CTTNBP2NL: variants seen among roughly 807,000 people sequenced by gnomAD.
The protein encoded by CTTNBP2NL is CTTNBP2 N-terminal like.
A neutral mutation model predicts 32.5 loss-of-function variants in CTTNBP2NL; 16 were observed. That is an observed-to-expected ratio of 0.49 (90% CI 0.33 to 0.75). The LOEUF is 0.75. Ranked by LOEUF, CTTNBP2NL falls within the 30% of genes least tolerant of loss-of-function variation. The probability of loss-of-function intolerance (pLI) is 0.02; values close to 1 mark genes in which losing one functional copy is unlikely to be tolerated. For synonymous variants in CTTNBP2NL, 298 were observed against 289.4 expected, an observed-to-expected ratio of 1.03 and a Z score of -0.30; for missense variants, 645 against 756.0, an observed-to-expected ratio of 0.85 and a Z score of 1.72.
intron 3 of CTTNBP2NL, among the ~76,000 whole-genome samples, chr1:112,446,398 A>T (rs1434826412): frequency 6.6e-6 from 1 of 152,128 alleles, no homozygotes; most frequent in African/African-American, 2.4e-5. Context: ...AAAAAATTTG[A>T]TACTTTCAGT....
intron 3 of CTTNBP2NL, among the ~76,000 whole-genome samples, chr1:112,447,273 A>T (rs1466420142): frequency 7.9e-5 from 2 of 25,194 alleles, no homozygotes; most frequent in East Asian, 1.4e-3. Context: ...GACTCCATCT[A>T]AAAAAAAAAA....
intron 3 of CTTNBP2NL, among the ~76,000 whole-genome samples, chr1:112,416,920 G>A (rs1649084667): frequency 6.6e-6 from 1 of 151,906 alleles, no homozygotes; most frequent in African/African-American, 2.4e-5. Context: ...ATAATATCTG[G>A]GAGATCAAGG....
intron 3 of CTTNBP2NL, among the ~76,000 whole-genome samples, chr1:112,436,589 C>T (rs926546631): frequency 6.6e-6 from 1 of 152,098 alleles, no homozygotes; most frequent in Non-Finnish European, 1.5e-5. Context: ...CTCAAGTGAT[C>T]TCCTTCAGCC....
chr1:112,438,868 C>T (rs563205775), intron 3 of CTTNBP2NL, among the ~76,000 whole-genome samples: 1 of 152,184 alleles, frequency 6.6e-6, no homozygotes, highest in Non-Finnish European at 1.5e-5. Flanking sequence ...AAACACCCTG[C>T]AATGCAATGA....
chr1:112,454,360 A>G (rs1481089415), intron 4 of CTTNBP2NL, 89 bp from the exon 5 acceptor site: 4 of 906,282 alleles, frequency 4.4e-6, no homozygotes, highest in Non-Finnish European at 7.1e-6. Context: ...GGAACTATCT[A>G]AGGTGCCTGA....
chr1:112,393,351 T>G (rs1268648980), upstream of CTTNBP2NL, among the ~76,000 whole-genome samples: 1 of 152,206 alleles, frequency 6.6e-6, no homozygotes, highest in Non-Finnish European at 1.5e-5. Flanking sequence ...TTATGGAAAT[T>G]TACTTATTTG....
intron 4 of CTTNBP2NL, among the ~76,000 whole-genome samples, chr1:112,452,944 G>A (rs183996537): frequency 2.7e-5 from 4 of 146,832 alleles, no homozygotes; most frequent in East Asian, 4.0e-4. Context: ...GCAACATGGC[G>A]ACACCCCATT....
At chr1:112,434,400 T>C (rs1361276945) in intron 3 of CTTNBP2NL, among the ~76,000 whole-genome samples, 1 of 152,184 alleles carries the variant, frequency 6.6e-6, no homozygotes, top group Non-Finnish European at 1.5e-5. Context: ...TATCTGTGTG[T>C]CTTCCCTCTT....
intron 3 of CTTNBP2NL, among the ~76,000 whole-genome samples, chr1:112,440,059 A>G (rs936910711): frequency 6.6e-6 from 1 of 152,186 alleles, no homozygotes; most frequent in Non-Finnish European, 1.5e-5. Flanking sequence ...TTACATAGTC[A>G]CATCTCTGTT....
At chr1:112,451,746 G>A (rs1650224827) in intron 4 of CTTNBP2NL, among the ~76,000 whole-genome samples, 1 of 148,824 alleles carries the variant, frequency 6.7e-6, no homozygotes, top group Admixed American at 6.7e-5. Flanking sequence ...ATCCAGCTTG[G>A]GTGACAGAGC....
intron 2 of CTTNBP2NL, among the ~76,000 whole-genome samples, chr1:112,412,773 C>T (rs1648919729): frequency 6.6e-6 from 1 of 151,906 alleles, no homozygotes; most frequent in Non-Finnish European, 1.5e-5. Flanking sequence ...TGCACCACCA[C>T]GTCTGGCTAA....
At chr1:112,428,462 A>G (rs1302606073) in intron 3 of CTTNBP2NL, among the ~76,000 whole-genome samples, 2 of 152,078 alleles carry the variant, frequency 1.3e-5, no homozygotes, top group Non-Finnish European at 2.9e-5. Context: ...TTTCTTTCCA[A>G]CCCACCTGAA....
intron 3 of CTTNBP2NL, among the ~76,000 whole-genome samples, chr1:112,418,434 A>G (rs1484325001): frequency 6.6e-6 from 1 of 152,172 alleles, no homozygotes; most frequent in Non-Finnish European, 1.5e-5. Context: ...GGGAAAGCCA[A>G]TAGAAAATAA....
intron 3 of CTTNBP2NL, among the ~76,000 whole-genome samples, chr1:112,432,861 A>G (rs181586401): frequency 7.0e-4 from 106 of 151,112 alleles, no homozygotes; most frequent in Non-Finnish European, 1.3e-3. Context: ...CTCATTCCTC[A>G]TTACTCATTT....
chr1:112,456,362 G>A lies in CTTNBP2NL; in HGVS notation c.870G>A (p.Leu290=), dbSNP rs1441553722. 2.5e-6 allele frequency: 4 copies of A among 1,614,028 alleles called. No individual in the cohort carries two copies. Among genetic ancestry groups the A allele is most frequent in the Non-Finnish European group, 2.5e-6 (3 of 1,180,032 alleles). ...AGCACAGTAGCCCTAATGAGCAATT[G>A]AAGAAACCAGTAACCGTGTCCAAAG... ...SHQHSSPNEQ[L]KKPVTVSKGT... Residue 290 remains leucine (L), a synonymous_variant, in exon 6 of 6, where the codon TTG becomes TTA. Transcript: ENST00000271277.
chr1:112,429,274 T>C (rs1263867947), intron 3 of CTTNBP2NL, among the ~76,000 whole-genome samples: 1 of 152,214 alleles, frequency 6.6e-6, no homozygotes, highest in African/African-American at 2.4e-5. Context: ...ACTGTACCTG[T>C]AAAGGTGAGG....
chr1:112,413,748 C>T (rs1428170845), intron 2 of CTTNBP2NL, among the ~76,000 whole-genome samples: 1 of 152,084 alleles, frequency 6.6e-6, no homozygotes, highest in East Asian at 1.9e-4. Context: ...TGCTGAAATT[C>T]ACTTGTTAGA....
intron 3 of CTTNBP2NL, among the ~76,000 whole-genome samples, chr1:112,422,818 G>T (rs1262152046): frequency 1.3e-5 from 2 of 151,884 alleles, no homozygotes; most frequent in Non-Finnish European, 2.9e-5. Flanking sequence ...TTAGAGATGG[G>T]ATCTCACTTT....
chr1:112,422,615 G>A (rs950695774), intron 3 of CTTNBP2NL, among the ~76,000 whole-genome samples: 2 of 152,122 alleles, frequency 1.3e-5, no homozygotes, highest in African/African-American at 4.8e-5. Context: ...GATATATCCA[G>A]TTGCTGCACA....
Sources: gnomAD v4.1 joint callset for allele counts (sites outside exome capture counted in the v4.1 genomes callset) on GRCh38, gnomAD v4.1.1 for gene constraint, MANE v1.5 for transcripts, NCBI Gene and HGNC (gene_info 2026-07-23, HGNC 2026-07-21) for gene names.